The following CELF2 variants were observed in gnomAD, a reference collection of about 807,000 sequenced individuals.
The protein encoded by CELF2 is CUG triplet repeat RNA-binding protein 2.
In CELF2, 8 loss-of-function variants were observed where a neutral mutation model predicts 62.6. That is an observed-to-expected ratio of 0.13 (90% CI 0.07 to 0.23). The LOEUF is 0.23. CELF2 is among the 10% of genes least tolerant of loss of function. CELF2 has a pLI of 1.00. For synonymous variants in CELF2, 258 were observed against 250.0 expected (o/e 1.03, Z -0.30); for missense variants, 333 against 671.0 (o/e 0.50, Z 5.56).
chr10:10,863,481 A>C (rs948876297), intron 1 of CELF2, among the ~76,000 whole-genome samples: 1 of 152,182 alleles, frequency 6.6e-6, no homozygotes, highest in Non-Finnish European at 1.5e-5. Flanking sequence ...CCTTGGGCAA[A>C]GTTAGCAGAT....
At chr10:11,009,612 C>T (rs78039260) in intron 1 of CELF2, among the ~76,000 whole-genome samples, 9,943 of 152,126 alleles carry the variant, frequency 0.065, 355 homozygotes, top group Middle Eastern at 0.14. Flanking sequence ...AGGGTGACAC[C>T]AGCCCTGAGT....
At chr10:10,744,126 G>A in the CELF2 span, among the ~76,000 whole-genome samples, 1 of 152,050 alleles carries the variant, frequency 6.6e-6, no homozygotes, top group East Asian at 1.9e-4. Flanking sequence ...GCTCAAAGAA[G>A]CTCTAAAATC....
the CELF2 span, among the ~76,000 whole-genome samples, chr10:10,522,327 A>G: frequency 6.6e-6 from 1 of 152,352 alleles, no homozygotes; most frequent in Non-Finnish European, 1.5e-5. Flanking sequence ...GCCTAAACAG[A>G]CAAACTAGAT....
At position 11,049,891 on chromosome 10, in the gene CELF2, G is replaced by A. The variant is rs557595683; in HGVS notation, c.74+31728G>A. Among the ~76,000 whole-genome samples, 120 of 152,320 alleles carry A rather than the reference G, an allele frequency of 7.9e-4. 1 individual carries two copies. Among genetic ancestry groups the A allele is most frequent in the Non-Finnish European group, 1.5e-3 (103 of 68,028 alleles). The stretch of plus-strand genomic sequence containing the variant: ...GCATCCTCAGAACATTACCACTGCG[G>A]AGGACTGGCAGTGTCCTTCGGGGAC... On this transcript the variant is annotated intron_variant, in intron 1 of 12. Transcript: ENST00000633077.
intron 2 of CELF2, among the ~76,000 whole-genome samples, chr10:10,952,862 C>A (rs2048475989): frequency 6.6e-6 from 1 of 152,124 alleles, no homozygotes; most frequent in African/African-American, 2.4e-5. Flanking sequence ...CCATTTGGTC[C>A]ATATGTAATT....
At chr10:10,518,435 G>A in the CELF2 span, among the ~76,000 whole-genome samples, 3 of 152,182 alleles carry the variant, frequency 2.0e-5, no homozygotes, top group African/African-American at 7.2e-5. Context: ...GTTTGCTACT[G>A]TGTGACCTTT....
intron 5 of CELF2, among the ~76,000 whole-genome samples, chr10:11,265,599 G>A (rs2081984416): frequency 6.6e-6 from 1 of 152,218 alleles, no homozygotes; most frequent in South Asian, 2.1e-4. Context: ...GCCCAAGGGT[G>A]CATGATGAAT....
At chr10:10,965,708 A>G (rs1320978982) in intron 2 of CELF2, among the ~76,000 whole-genome samples, 4 of 152,236 alleles carry the variant, frequency 2.6e-5, no homozygotes, top group Non-Finnish European at 4.4e-5. Flanking sequence ...AACCAAATAC[A>G]GTCAAGGAAC....
the CELF2 span, among the ~76,000 whole-genome samples, chr10:10,682,211 T>C: frequency 1.3e-5 from 2 of 152,322 alleles, no homozygotes; most frequent in African/African-American, 4.8e-5. Flanking sequence ...TGCAGCAATA[T>C]TATTTTACTC....
At chr10:10,864,854 G>C (rs2060259613) in intron 1 of CELF2, among the ~76,000 whole-genome samples, 1 of 152,114 alleles carries the variant, frequency 6.6e-6, no homozygotes, top group South Asian at 2.1e-4. Flanking sequence ...GGGAAAGCTT[G>C]TTGAAATTTT....
the CELF2 span, among the ~76,000 whole-genome samples, chr10:10,489,904 G>C: frequency 2.0e-5 from 3 of 152,136 alleles, no homozygotes; most frequent in South Asian, 2.1e-4. Flanking sequence ...TACAGGTTTG[G>C]GGGGAGGGTG....
intron 1 of CELF2, among the ~76,000 whole-genome samples, chr10:11,053,676 G>A (rs1277603554): frequency 1.2e-4 from 18 of 146,354 alleles, no homozygotes; most frequent in Admixed American, 2.8e-4. Context: ...GTGCAGTGGC[G>A]TGATCTCCAC....
intron 1 of CELF2, among the ~76,000 whole-genome samples, chr10:10,805,845 G>A (rs1348907790): frequency 6.6e-6 from 1 of 152,176 alleles, no homozygotes; most frequent in East Asian, 1.9e-4. Flanking sequence ...ATCACCTTGT[G>A]TTCATTAAGG....
intron 1 of CELF2, among the ~76,000 whole-genome samples, chr10:11,147,369 G>C (rs2062466954): frequency 6.6e-6 from 1 of 152,142 alleles, no homozygotes; most frequent in African/African-American, 2.4e-5. Flanking sequence ...AGTCAAATGG[G>C]TCGCATTTTA....
the CELF2 span, among the ~76,000 whole-genome samples, chr10:10,463,149 G>T: frequency 1.3e-5 from 2 of 152,164 alleles, no homozygotes; most frequent in African/African-American, 4.8e-5. Context: ...CTAGTCAGGA[G>T]TTCATTAGCC....
At chr10:11,181,622 C>T (rs1463796109) in intron 2 of CELF2, among the ~76,000 whole-genome samples, 3 of 152,222 alleles carry the variant, frequency 2.0e-5, no homozygotes, top group African/African-American at 7.2e-5. Context: ...AGTCATGTCT[C>T]GCTCTGCTGA....
chr10:10,841,190 G>A (rs896537923), intron 1 of CELF2, among the ~76,000 whole-genome samples: 5 of 151,976 alleles, frequency 3.3e-5, no homozygotes, highest in Admixed American at 6.6e-5. Flanking sequence ...ATTTATAATC[G>A]TTTGGATATA....
the CELF2 span, among the ~76,000 whole-genome samples, chr10:10,495,091 A>G: frequency 6.6e-5 from 10 of 151,252 alleles, no homozygotes; most frequent in African/African-American, 1.7e-4. Flanking sequence ...CCTGGCTAAC[A>G]TGGTGAAACC....
At chr10:10,639,463 G>A in the CELF2 span, among the ~76,000 whole-genome samples, 6 of 152,188 alleles carry the variant, frequency 3.9e-5, no homozygotes, top group South Asian at 2.1e-4. Flanking sequence ...TTTTATAAAC[G>A]TTGGAGGAGA....
Sources: gnomAD v4.1 joint callset for allele counts (sites outside exome capture counted in the v4.1 genomes callset) on GRCh38, gnomAD v4.1.1 for gene constraint, MANE v1.5 for transcripts, NCBI Gene and HGNC (gene_info 2026-07-23, HGNC 2026-07-21) for gene names.